BCL2: variants seen among roughly 807,000 people sequenced by gnomAD.
The protein encoded by BCL2 is BCL2 apoptosis regulator.
Under a neutral mutation model 14.2 loss-of-function variants are expected in BCL2, and 1 was observed. The ratio of observed to expected loss-of-function variants is 0.07; its 90% CI spans 0.02 to 0.33. BCL2 has a LOEUF of 0.33. Among genes scored for constraint, BCL2 ranks in the 10% least tolerant of loss-of-function variants. The probability of loss-of-function intolerance (pLI) is 0.99; values close to 1 mark genes in which losing one functional copy is unlikely to be tolerated. For synonymous variants in BCL2, 151 were observed against 137.2 expected (o/e 1.10, Z -0.70); for missense variants, 247 against 305.9 (o/e 0.81, Z 1.44).
intron 2 of BCL2, among the ~76,000 whole-genome samples, chr18:63,200,913 C>T (rs997676350): frequency 6.6e-6 from 1 of 152,154 alleles, no homozygotes; most frequent in South Asian, 2.1e-4. Context: ...TGAGCCACTG[C>T]GCCTGGGCCA....
At chr18:63,144,030 A>G (rs1442687907) in intron 2 of BCL2, among the ~76,000 whole-genome samples, 1 of 152,224 alleles carries the variant, frequency 6.6e-6, no homozygotes, top group African/African-American at 2.4e-5. Flanking sequence ...AATAAGCTCA[A>G]GTTTGGGCTG....
At chr18:63,173,169 T>C (rs907947613) in intron 2 of BCL2, among the ~76,000 whole-genome samples, 1 of 152,048 alleles carries the variant, frequency 6.6e-6, no homozygotes, top group African/African-American at 2.4e-5. Flanking sequence ...AGACATCATA[T>C]TGTTTAACTT....
At chr18:63,227,140 A>T (rs1910572064) in intron 2 of BCL2, among the ~76,000 whole-genome samples, 1 of 152,246 alleles carries the variant, frequency 6.6e-6, no homozygotes, top group Non-Finnish European at 1.5e-5. Flanking sequence ...CTTATCAATT[A>T]CACAAATCAA....
intron 2 of BCL2, among the ~76,000 whole-genome samples, chr18:63,242,648 C>A (rs969076971): frequency 3.3e-5 from 5 of 152,172 alleles, no homozygotes; most frequent in African/African-American, 1.2e-4. Context: ...AAACATCCCC[C>A]CTCACCCCTG....
intron 2 of BCL2, among the ~76,000 whole-genome samples, chr18:63,157,232 C>T (rs1412629716): frequency 2.0e-5 from 3 of 152,146 alleles, no homozygotes; most frequent in African/African-American, 4.8e-5. Context: ...CACTGAGTCC[C>T]GGAGAGGTGA....
chr18:63,163,664 A>G (rs1011494437), intron 2 of BCL2, among the ~76,000 whole-genome samples: 1 of 152,230 alleles, frequency 6.6e-6, no homozygotes, highest in Non-Finnish European at 1.5e-5. Flanking sequence ...ATGAAAAAAA[A>G]CACACAACAA....
In BCL2 at chr18:63,259,362, C is replaced by T. The variant is rs114321001; in HGVS notation, c.585+58720G>A. ...AAAAGGCAAACGCAGTTTGCATGCA[C>T]GCAGGGCTTCGCTGAGGTCTATTTG... is the stretch of plus-strand genomic sequence containing the variant. On this transcript the variant is annotated intron_variant, in intron 2 of 2. Coordinates refer to ENST00000333681, the MANE Select transcript of BCL2 (RefSeq NM_000633.3). Among the ~76,000 whole-genome samples, 374 of 152,306 alleles carry T rather than the reference C, an allele frequency of 2.5e-3. 2 individuals carry two copies. The highest frequency in any genetic ancestry group is 8.3e-3 in the African/African-American group (345 of 41,554).
chr18:63,240,816 A>G (rs972845829), intron 2 of BCL2, among the ~76,000 whole-genome samples: 1 of 152,238 alleles, frequency 6.6e-6, no homozygotes, highest in Non-Finnish European at 1.5e-5. Context: ...TTATTTGAGT[A>G]CATAACTTGT....
intron 2 of BCL2, among the ~76,000 whole-genome samples, chr18:63,296,019 G>GC (rs2144275289): frequency 6.6e-6 from 1 of 152,186 alleles, no homozygotes; most frequent in East Asian, 1.9e-4. Context: ...TCAAAATTCA[G>GC]CAAGTCTTAC....
chr18:63,231,130 GA>G (rs1910676986), intron 2 of BCL2, among the ~76,000 whole-genome samples: 1 of 151,806 alleles, frequency 6.6e-6, no homozygotes, highest in Admixed American at 6.6e-5. Context: ...AATTAGGAAG[GA>G]AAAACCATAT....
At chr18:63,248,891 T>A (rs1396297925) in intron 2 of BCL2, among the ~76,000 whole-genome samples, 1 of 152,206 alleles carries the variant, frequency 6.6e-6, no homozygotes, top group Non-Finnish European at 1.5e-5. Flanking sequence ...TTGTACCTCA[T>A]TCTTGGTTTA....
chr18:63,208,202 A>G (rs538269133), intron 2 of BCL2: 1 of 152,320 alleles, frequency 6.6e-6, no homozygotes, highest in African/African-American at 2.4e-5. Context: ...TTAAAACACA[A>G]AGCACTCACT....
chr18:63,128,800 TAG>T (rs747007049), intron 2 of BCL2, 41 bp from the exon 3 acceptor site: 1 of 755,696 alleles, frequency 1.3e-6, no homozygotes, highest in East Asian at 2.5e-5. Context: ...GAAAGAGTAT[TAG>T]AGAGAGAGCA....
In BCL2 at chr18:63,129,472, T is replaced by C. The variant is rs75012083; in HGVS notation, c.586-713A>G. On this transcript the variant is annotated intron_variant, in intron 2 of 2. Coordinates refer to ENST00000333681, the MANE Select transcript of BCL2 (RefSeq NM_000633.3). ...TTTTAAATTTTTTGTAGAGATAGGG[T>C]CTTACTATACTTTCCAGGCTGGTCT... Among the ~76,000 whole-genome samples, 204 of 152,182 alleles carry C rather than the reference T, an allele frequency of 1.3e-3. 5 individuals carry two copies. The East Asian group carries it at 0.036, about 27-fold the overall frequency.
intron 2 of BCL2, among the ~76,000 whole-genome samples, chr18:63,172,157 A>G (rs555181534): frequency 6.6e-6 from 1 of 152,294 alleles, no homozygotes; most frequent in South Asian, 2.1e-4. Context: ...GGTCTTATGT[A>G]TTAATAGTTT....
intron 2 of BCL2, among the ~76,000 whole-genome samples, chr18:63,148,168 T>C (rs1297231330): frequency 6.6e-6 from 1 of 152,170 alleles, no homozygotes; most frequent in Non-Finnish European, 1.5e-5. Flanking sequence ...CCTTGGCATG[T>C]ATGAAGAACG....
At chr18:63,309,833 C>T (rs1046359918) in intron 2 of BCL2, among the ~76,000 whole-genome samples, 2 of 152,030 alleles carry the variant, frequency 1.3e-5, no homozygotes, top group African/African-American at 4.8e-5. Context: ...TGCACATCCT[C>T]CTATATACTT....
chr18:63,275,645 ATTGT>A (rs1452733062), intron 2 of BCL2, among the ~76,000 whole-genome samples: 4 of 152,218 alleles, frequency 2.6e-5, no homozygotes, highest in Non-Finnish European at 5.9e-5. Context: ...CAGAGTAGTT[ATTGT>A]TTGTAATTTC....
Position 63,294,642 on chromosome 18 carries a change from C to G in BCL2, c.585+23440G>C, listed in dbSNP as rs1451319168. Among the ~76,000 whole-genome samples, 3 of 151,966 alleles carry G rather than the reference C, an allele frequency of 2.0e-5. No homozygotes were observed. In the East Asian group the frequency reaches 5.8e-4, roughly 30 times the overall value. ...CCAAGATCACACCACTGCACTCCAG[C>G]CTGGGCGACAGAGTGAGAATCCGCC... On this transcript the variant is annotated intron_variant, in intron 2 of 2. Transcript: ENST00000333681.
Sources: allele counts gnomAD v4.1 joint callset (sites outside exome capture counted in the v4.1 genomes callset), GRCh38; gene constraint gnomAD v4.1.1; transcripts MANE v1.5; gene names NCBI Gene and HGNC (gene_info 2026-07-23, HGNC 2026-07-21).